MAGI1: variants seen among roughly 807,000 people sequenced by gnomAD.
MAGI1 encodes membrane-associated guanylate kinase, WW and PDZ domain-containing protein 1.
In MAGI1, 58 loss-of-function variants were observed where a neutral mutation model predicts 139.9. That is an observed-to-expected ratio of 0.41 (90% CI 0.34 to 0.52). MAGI1 has a LOEUF of 0.52. MAGI1 is among the 20% of genes least tolerant of loss of function. MAGI1 has a pLI of 0.12. For missense variants in MAGI1, 1,874 were observed against 1,901.6 expected, an observed-to-expected ratio of 0.99 and a Z score of 0.27; for synonymous variants, 812 against 737.9, an observed-to-expected ratio of 1.10 and a Z score of -1.63.
intron 1 of MAGI1, among the ~76,000 whole-genome samples, chr3:65,884,404 T>G (rs1348719482): frequency 2.0e-5 from 3 of 152,216 alleles, no homozygotes; most frequent in Non-Finnish European, 2.9e-5. Context: ...AGCTCCCATC[T>G]AGAAACACAC....
intron 3 of MAGI1, among the ~76,000 whole-genome samples, chr3:65,485,779 T>C (rs1232632059): frequency 1.3e-5 from 2 of 152,220 alleles, no homozygotes; most frequent in Non-Finnish European, 2.9e-5. Context: ...CATTTTCACA[T>C]AAAGAAACTG....
At chr3:65,537,144 C>T (rs1289015968) in intron 2 of MAGI1, among the ~76,000 whole-genome samples, 1 of 152,154 alleles carries the variant, frequency 6.6e-6, no homozygotes, top group Non-Finnish European at 1.5e-5. Context: ...CATCCCTCAT[C>T]CATTCTGTGA....
intron 1 of MAGI1, among the ~76,000 whole-genome samples, chr3:65,831,826 C>T (rs1014182870): frequency 3.9e-5 from 6 of 152,190 alleles, no homozygotes; most frequent in Admixed American, 2.0e-4. Flanking sequence ...GTCTTTACTA[C>T]AGATTTGAAA....
intron 1 of MAGI1, among the ~76,000 whole-genome samples, chr3:65,914,994 T>C (rs1212804058): frequency 1.3e-5 from 2 of 152,214 alleles, no homozygotes; most frequent in African/African-American, 4.8e-5. Context: ...CAATAAATGA[T>C]AGTTGATAAT....
At chr3:65,954,119 G>C (rs1409871735) in intron 1 of MAGI1, among the ~76,000 whole-genome samples, 6 of 152,024 alleles carry the variant, frequency 3.9e-5, no homozygotes, top group Admixed American at 3.9e-4. Flanking sequence ...TCCAACATCA[G>C]GGGGCAAAAA....
intron 2 of MAGI1, among the ~76,000 whole-genome samples, chr3:65,584,350 C>T (rs1374436675): frequency 6.6e-6 from 1 of 152,084 alleles, no homozygotes; most frequent in African/African-American, 2.4e-5. Flanking sequence ...TATCTATTGG[C>T]CTGGTTTCTT....
chr3:65,813,546 T>C (rs2041416220), intron 1 of MAGI1, among the ~76,000 whole-genome samples: 1 of 152,196 alleles, frequency 6.6e-6, no homozygotes, highest in Admixed American at 6.5e-5. Context: ...GGTGGGGATA[T>C]AGAAAAAGAG....
At chr3:65,492,767 G>A (rs961955456) in intron 3 of MAGI1, among the ~76,000 whole-genome samples, 2 of 152,148 alleles carry the variant, frequency 1.3e-5, no homozygotes, top group Non-Finnish European at 2.9e-5. Context: ...GCAGGTGGGA[G>A]ACAGGTATAT....
intron 1 of MAGI1, among the ~76,000 whole-genome samples, chr3:65,749,707 A>G (rs1325322539): frequency 8.5e-6 from 1 of 116,990 alleles, no homozygotes; most frequent in African/African-American, 3.2e-5. Context: ...GTCTAGTCTG[A>G]GTTAAAAAAA....
At position 65,356,720 on chromosome 3, in the gene MAGI1, G is replaced by A; in HGVS notation, c.4047C>T (p.Val1349=). 3 of 1,593,322 alleles carry A rather than the reference G, an allele frequency of 1.9e-6. No homozygotes were observed. The highest frequency in any genetic ancestry group is 2.6e-6 in the Non-Finnish European group (3 of 1,170,576). ...ACCGCTCTCGCCTCCGCTCCGGAGA[G>A]ACGTCTCGTCTCTTCTCGTGCTTCT... is the stretch of plus-strand genomic sequence containing the variant. ...RREKHEKRRD[V]SPERRRERSP... is the part of the protein sequence containing the mutation. The change falls in exon 23 of 23, where the codon GTC becomes GTT. Residue 1349 remains valine (V), a synonymous_variant. Coordinates refer to ENST00000402939, the MANE Select transcript of MAGI1 (RefSeq NM_001033057.2).
intron 1 of MAGI1, among the ~76,000 whole-genome samples, chr3:65,854,407 C>T (rs1027441612): frequency 6.6e-6 from 1 of 152,152 alleles, no homozygotes; most frequent in Admixed American, 6.5e-5. Flanking sequence ...GTGCTTTGTA[C>T]ATACAACTTT....
At chr3:65,605,617 C>G (rs1182168177) in intron 2 of MAGI1, among the ~76,000 whole-genome samples, 1 of 152,030 alleles carries the variant, frequency 6.6e-6, no homozygotes, top group South Asian at 2.1e-4. Context: ...GAGTGTCTGA[C>G]CTACTTTTAA....
At chr3:65,579,020 G>A (rs889978364) in intron 2 of MAGI1, among the ~76,000 whole-genome samples, 14 of 151,940 alleles carry the variant, frequency 9.2e-5, no homozygotes, top group African/African-American at 3.4e-4. Context: ...TTGCGGGGGA[G>A]GGGTGGGGGT....
intron 10 of MAGI1, among the ~76,000 whole-genome samples, chr3:65,436,847 C>T (rs1947889504): frequency 6.6e-6 from 1 of 151,920 alleles, no homozygotes; most frequent in Admixed American, 6.6e-5. Flanking sequence ...GACAAACCCA[C>T]ACAACAAAGA....
chr3:66,025,907 T>C (rs1481983770), intron 1 of MAGI1, among the ~76,000 whole-genome samples: 3 of 152,204 alleles, frequency 2.0e-5, no homozygotes, highest in Admixed American at 6.5e-5. Flanking sequence ...CAATTTTAGA[T>C]AGTGATTGAT....
intron 1 of MAGI1, among the ~76,000 whole-genome samples, chr3:65,686,070 G>T (rs945693597): frequency 3.9e-5 from 6 of 152,146 alleles, no homozygotes; most frequent in Non-Finnish European, 8.8e-5. Flanking sequence ...CGGCAAGACT[G>T]TACGGCTCTG....
Position 65,943,682 on chromosome 3 carries a change from C to G in MAGI1, c.313+94314G>C, listed in dbSNP as rs188418422. On this transcript the variant is annotated intron_variant, in intron 1 of 22. Transcript: ENST00000402939. ...ATATATATATGTGTGTATATAGATTCTGGTTTGTAATCCACAGTACAGATT... is the reference window on the plus strand; with the variant it reads ...ATATATATATGTGTGTATATAGATTGTGGTTTGTAATCCACAGTACAGATT... 1.8e-4 allele frequency among the ~76,000 whole-genome samples: 27 copies of G among 151,650 alleles called. No homozygotes were observed. In the East Asian group the frequency reaches 4.5e-3, roughly 25 times the overall value.
intron 1 of MAGI1, among the ~76,000 whole-genome samples, chr3:65,816,235 G>A (rs913617157): frequency 1.5e-4 from 23 of 151,900 alleles, no homozygotes; most frequent in African/African-American, 5.6e-4. Context: ...CATAGAGGAC[G>A]CTTAGTGAAC....
chr3:65,543,925 T>A (rs1198970667), intron 2 of MAGI1, among the ~76,000 whole-genome samples: 1 of 152,028 alleles, frequency 6.6e-6, no homozygotes, highest in African/African-American at 2.4e-5. Flanking sequence ...CAGGAAGATG[T>A]TTATCACAGC....
Sources: gnomAD v4.1 joint callset for allele counts (sites outside exome capture counted in the v4.1 genomes callset) on GRCh38, gnomAD v4.1.1 for gene constraint, MANE v1.5 for transcripts, NCBI Gene and HGNC (gene_info 2026-07-23, HGNC 2026-07-21) for gene names.